Variants in PRKG1 observed in about 807,000 individuals in gnomAD.
PRKG1 encodes protein kinase cGMP-dependent 1, also known as cGMP-dependent protein kinase 1.
A neutral mutation model predicts 88.1 loss-of-function variants in PRKG1; 35 were observed. That is an observed-to-expected ratio of 0.40 (90% CI 0.30 to 0.53). PRKG1 has a LOEUF of 0.53. PRKG1 is among the 20% of genes least tolerant of loss of function. The pLI, the probability that PRKG1 is intolerant of heterozygous loss-of-function variation, is 0.59. For synonymous variants in PRKG1, 303 were observed against 292.5 expected (o/e 1.04, Z -0.37); for missense variants, 540 against 839.8 (o/e 0.64, Z 4.41).
chr10:51,176,496 A>G (rs539707704), intron 2 of PRKG1, among the ~76,000 whole-genome samples: 3 of 152,314 alleles, frequency 2.0e-5, no homozygotes, highest in Non-Finnish European at 4.4e-5. Flanking sequence ...TGGATAATAA[A>G]TGTACCTAGT....
At chr10:51,935,449 A>G (rs1033105759) in intron 5 of PRKG1, among the ~76,000 whole-genome samples, 4 of 152,070 alleles carry the variant, frequency 2.6e-5, no homozygotes, top group African/African-American at 7.2e-5. Flanking sequence ...AACTCCTACA[A>G]CTGGATTTCA....
intron 1 of PRKG1, among the ~76,000 whole-genome samples, chr10:51,080,777 T>G (rs1005836226): frequency 6.6e-6 from 1 of 152,222 alleles, no homozygotes; most frequent in African/African-American, 2.4e-5. Flanking sequence ...GTCTGCTTCC[T>G]CACACTCAGT....
chr10:51,587,728 C>T (rs1400031901), intron 3 of PRKG1, among the ~76,000 whole-genome samples: 1 of 152,110 alleles, frequency 6.6e-6, no homozygotes, highest in East Asian at 1.9e-4. Flanking sequence ...AGTAAGTTGG[C>T]TTTGCTAATC....
chr10:52,282,270 G>A lies in PRKG1; in HGVS notation c.1663G>A (p.Asp555Asn), dbSNP rs773713867. ...ILNKGHDISA[D>N]YWSLGILMYE... ...GAACAAAGGCCATGACATTTCAGCCGACTACTGGTCACTGGGAATCCTAAT... is the reference window on the plus strand; with the variant it reads ...GAACAAAGGCCATGACATTTCAGCCAACTACTGGTCACTGGGAATCCTAAT... The change falls in exon 14 of 18, where the codon GAC becomes AAC. Residue 555 changes from aspartate (D) to asparagine (N), a missense_variant. Asp to Asn is a conservative substitution (Grantham distance 23). Transcript: ENST00000373980. The A allele has an allele frequency of 6.2e-7, 1 of 1,609,898 alleles. No homozygotes were observed. The highest frequency in any genetic ancestry group is 8.5e-7 in the Non-Finnish European group (1 of 1,177,350).
intron 3 of PRKG1, among the ~76,000 whole-genome samples, chr10:51,571,174 G>A (rs148972843): frequency 2.0e-5 from 3 of 151,954 alleles, no homozygotes; most frequent in South Asian, 2.1e-4. Flanking sequence ...GAGCATTAGC[G>A]TTTATGTGCC....
At chr10:51,852,820 T>C (rs963994156) in intron 4 of PRKG1, among the ~76,000 whole-genome samples, 2 of 152,190 alleles carry the variant, frequency 1.3e-5, no homozygotes, top group Non-Finnish European at 2.9e-5. Context: ...GTAACTTTGC[T>C]TTTATATGTC....
chr10:51,833,393 C>T (rs1453283852), intron 4 of PRKG1, among the ~76,000 whole-genome samples: 1 of 152,152 alleles, frequency 6.6e-6, no homozygotes, highest in Admixed American at 6.6e-5. Context: ...AAGCTTATTG[C>T]ATAGCTAGTT....
At chr10:51,556,496 A>T (rs370155016) in intron 3 of PRKG1, among the ~76,000 whole-genome samples, 2 of 151,986 alleles carry the variant, frequency 1.3e-5, no homozygotes, top group South Asian at 2.1e-4. Flanking sequence ...GTGCTCATCA[A>T]TGGTGGACTG....
chr10:51,314,183 A>T (rs1216384111), intron 2 of PRKG1, among the ~76,000 whole-genome samples: 1 of 152,230 alleles, frequency 6.6e-6, no homozygotes, highest in African/African-American at 2.4e-5. Flanking sequence ...TCACACAGCA[A>T]CGTCATGGTA....
At chr10:51,827,417 G>A (rs1002577660) in intron 4 of PRKG1, among the ~76,000 whole-genome samples, 9 of 152,058 alleles carry the variant, frequency 5.9e-5, no homozygotes, top group African/African-American at 2.2e-4. Context: ...AGGACTTTTG[G>A]ACACTGAAAT....
At chr10:51,735,238 A>G (rs1837234659) in intron 3 of PRKG1, among the ~76,000 whole-genome samples, 1 of 152,148 alleles carries the variant, frequency 6.6e-6, no homozygotes, top group Admixed American at 6.5e-5. Context: ...TCTAGGGTCA[A>G]TGTGGAGAAG....
chr10:51,785,529 C>A lies in PRKG1; in HGVS notation c.593-19056C>A, dbSNP rs537464295. ...AACGCAACTTGTAACAACTTAATGTCTATCTATTATATTATTGATTGACGT... is the reference window on the plus strand; with the variant it reads ...AACGCAACTTGTAACAACTTAATGTATATCTATTATATTATTGATTGACGT... On this transcript the variant is annotated intron_variant, in intron 3 of 17. Transcript: ENST00000373980. 4.4e-4 allele frequency among the ~76,000 whole-genome samples: 67 copies of A among 152,204 alleles called. 1 individual carries two copies. In the South Asian group the frequency reaches 0.014, roughly 31 times the overall value.
chr10:51,275,347 C>T (rs1840086652), intron 2 of PRKG1, among the ~76,000 whole-genome samples: 1 of 152,122 alleles, frequency 6.6e-6, no homozygotes, highest in African/African-American at 2.4e-5. Flanking sequence ...TGGTAAATCA[C>T]ACTTCTTTTG....
intron 5 of PRKG1, among the ~76,000 whole-genome samples, chr10:51,950,667 A>T (rs919469740): frequency 2.0e-5 from 3 of 152,210 alleles, no homozygotes; most frequent in African/African-American, 7.2e-5. Context: ...TTAGTATGCT[A>T]ATTAGTTCTT....
At chr10:51,177,961 T>G (rs1013429700) in intron 2 of PRKG1, among the ~76,000 whole-genome samples, 1 of 152,108 alleles carries the variant, frequency 6.6e-6, no homozygotes, top group Non-Finnish European at 1.5e-5. Context: ...TAAAAAATGT[T>G]GTAATAAGCT....
intron 3 of PRKG1, among the ~76,000 whole-genome samples, chr10:51,538,129 C>A (rs1012660241): frequency 6.6e-6 from 1 of 152,098 alleles, no homozygotes; most frequent in Non-Finnish European, 1.5e-5. Context: ...TACTACACTG[C>A]ACCATTTCTC....
chr10:51,946,842 C>T (rs1428716532), intron 5 of PRKG1, among the ~76,000 whole-genome samples: 1 of 151,956 alleles, frequency 6.6e-6, no homozygotes, highest in African/African-American at 2.4e-5. Flanking sequence ...GAGGAGTACC[C>T]AGCCGTGTGA....
At chr10:51,378,042 C>G (rs891494664) in intron 2 of PRKG1, among the ~76,000 whole-genome samples, 1 of 152,214 alleles carries the variant, frequency 6.6e-6, no homozygotes, top group African/African-American at 2.4e-5. Flanking sequence ...CATTTCTTAC[C>G]AGGCTCCAGG....
At chr10:51,141,709 T>G (rs1330266406) in intron 1 of PRKG1, among the ~76,000 whole-genome samples, 1 of 152,202 alleles carries the variant, frequency 6.6e-6, no homozygotes, top group Non-Finnish European at 1.5e-5. Context: ...CTTCCTTTCT[T>G]CCTACCCCCT....
Sources: gnomAD v4.1 joint callset for allele counts (sites outside exome capture counted in the v4.1 genomes callset) on GRCh38, gnomAD v4.1.1 for gene constraint, MANE v1.5 for transcripts, NCBI Gene and HGNC (gene_info 2026-07-23, HGNC 2026-07-21) for gene names.